Variants in ATP8A2 observed in about 807,000 individuals in gnomAD.
ATP8A2 encodes the protein ATPase phospholipid transporting 8A2.
Under a neutral mutation model 165.6 loss-of-function variants are expected in ATP8A2, and 100 were observed. That is an observed-to-expected ratio of 0.60 (90% CI 0.51 to 0.71). The LOEUF is 0.71. Ranked by LOEUF, ATP8A2 falls within the 30% of genes least tolerant of loss-of-function variation. The pLI is 0.00. For synonymous variants in ATP8A2, 543 were observed against 548.8 expected (o/e 0.99, Z 0.15); for missense variants, 1,227 against 1,479.5 (o/e 0.83, Z 2.80).
chr13:25,558,268 C>A (rs1477240373), intron 13 of ATP8A2, among the ~76,000 whole-genome samples: 1 of 152,074 alleles, frequency 6.6e-6, no homozygotes, highest in Non-Finnish European at 1.5e-5. Context: ...TACTTAAAGG[C>A]AGATTCTACT....
intron 24 of ATP8A2, among the ~76,000 whole-genome samples, chr13:25,603,001 G>A (rs916735732): frequency 6.6e-6 from 1 of 152,100 alleles, no homozygotes; most frequent in Non-Finnish European, 1.5e-5. Context: ...GAACATGGGA[G>A]GTGAAGGTTG....
rs760882012 is a variant in ATP8A2 at position 25,699,253 on chromosome 13, C to T, written c.2292C>T (p.Ile764=). The T allele has an allele frequency of 8.7e-6, 14 of 1,613,162 alleles. No homozygotes were observed. In the African/African-American group the frequency reaches 1.5e-4, roughly 17 times the overall value. ...AGGAAAATGACGTGGCCCTGATCATCGATGGCCACACCCTGAAGTACGCGC... is the reference window on the plus strand; with the variant it reads ...AGGAAAATGACGTGGCCCTGATCATTGATGGCCACACCCTGAAGTACGCGC... ...LGKENDVALI[I]DGHTLKYALS... is the part of the protein sequence containing the mutation. Residue 764 remains isoleucine, a synonymous_variant, in exon 25 of 37, where the codon ATC becomes ATT. Coordinates refer to ENST00000381655, the MANE Select transcript of ATP8A2 (RefSeq NM_016529.6).
Position 25,657,991 on chromosome 13 carries a change from A to C in ATP8A2, c.2212-41182A>C, listed in dbSNP as rs1032414211. ...TCCATTGTATTTAATTGACAGTATC[A>C]TCTTCTAAAGAATTTCAGTTTTACA... On this transcript the variant is annotated intron_variant, in intron 24 of 36. Coordinates refer to ENST00000381655, the MANE Select transcript of ATP8A2 (RefSeq NM_016529.6). Among the ~76,000 whole-genome samples the C allele has an allele frequency of 9.8e-5, 15 of 152,330 alleles. No individual in the cohort carries two copies. In the East Asian group the frequency reaches 2.7e-3, roughly 27 times the overall value.
intron 27 of ATP8A2, among the ~76,000 whole-genome samples, chr13:25,796,532 T>G (rs1335548431): frequency 6.6e-6 from 1 of 152,186 alleles, no homozygotes; most frequent in Non-Finnish European, 1.5e-5. Context: ...CCCCAGATGC[T>G]GAAATTAGAT....
At chr13:25,525,205 T>C (rs2037804767) in intron 2 of ATP8A2, among the ~76,000 whole-genome samples, 1 of 152,120 alleles carries the variant, frequency 6.6e-6, no homozygotes, top group Admixed American at 6.6e-5. Context: ...CTATCTCCCC[T>C]ACATATTGAT....
At chr13:25,878,471 CCATAGGCA>C (rs745888216) in intron 33 of ATP8A2, among the ~76,000 whole-genome samples, 11,017 of 109,790 alleles carry the variant, frequency 0.1, 125 homozygotes, top group African/African-American at 0.17. Flanking sequence ...AATGACTATT[CCATAGGCA>C]GAGCTGGTGG....
chr13:25,998,880 C>T (rs993761851), intron 35 of ATP8A2, among the ~76,000 whole-genome samples: 1 of 152,178 alleles, frequency 6.6e-6, no homozygotes, highest in Non-Finnish European at 1.5e-5. Context: ...AAACACTGCT[C>T]ACAATATCTT....
At chr13:25,508,377 AT>A (rs1196502557) in intron 2 of ATP8A2, among the ~76,000 whole-genome samples, 4 of 152,242 alleles carry the variant, frequency 2.6e-5, no homozygotes, top group African/African-American at 9.6e-5. Context: ...ACATATGAAC[AT>A]GGGTCTTTAT....
At chr13:25,474,913 C>T (rs2035950933) in intron 2 of ATP8A2, among the ~76,000 whole-genome samples, 1 of 151,986 alleles carries the variant, frequency 6.6e-6, no homozygotes, top group Admixed American at 6.6e-5. Flanking sequence ...TCACTGCAAC[C>T]TCTTCCTCCT....
chr13:25,991,382 A>G (rs1458633961), intron 35 of ATP8A2, among the ~76,000 whole-genome samples: 1 of 152,222 alleles, frequency 6.6e-6, no homozygotes, highest in African/African-American at 2.4e-5. Context: ...ACTGTAGTAC[A>G]GTATCACAAC....
intron 1 of ATP8A2, among the ~76,000 whole-genome samples, chr13:25,464,615 C>T (rs774078330): frequency 1.6e-4 from 24 of 151,908 alleles, no homozygotes; most frequent in Admixed American, 4.6e-4. Context: ...CCTTGGTGGC[C>T]CAATTTGGAC....
chr13:26,015,049 A>T (rs904207225), intron 36 of ATP8A2, among the ~76,000 whole-genome samples: 5 of 152,158 alleles, frequency 3.3e-5, no homozygotes, highest in African/African-American at 1.2e-4. Context: ...GTGATCAAAG[A>T]CCGAATGAGA....
intron 25 of ATP8A2, among the ~76,000 whole-genome samples, chr13:25,768,076 T>TGGG (rs397942177): frequency 5.1e-4 from 25 of 49,324 alleles, no homozygotes; most frequent in East Asian, 1.2e-3. Flanking sequence ...TGTGGTGGCG[T>TGGG]GGGGGGGGGG....
rs1214033953 is a variant in ATP8A2, at chr13:25,693,663, A to ATC, written c.2212-5504_2212-5503dup. Among the ~76,000 whole-genome samples the ATC allele has an allele frequency of 3.2e-3, 241 of 75,994 alleles. 1 individual carries two copies. The highest frequency in any genetic ancestry group is 9.2e-3 in the African/African-American group (229 of 24,998). The allele number at this position is 75,994 out of a possible 152,430, so 49.9% of individuals were successfully genotyped here. ...GAGGTCAGAGAGAGACATCCCTCAG[A>ATC]TCTCTCTGTCTCTCTCTCTCTCTCT... is the stretch of plus-strand genomic sequence containing the variant. On this transcript the variant is annotated intron_variant, in intron 24 of 36. Coordinates refer to ENST00000381655, the MANE Select transcript of ATP8A2 (RefSeq NM_016529.6).
At chr13:25,760,723 A>G (rs2138244806) in intron 25 of ATP8A2, among the ~76,000 whole-genome samples, 1 of 152,314 alleles carries the variant, frequency 6.6e-6, no homozygotes, top group South Asian at 2.1e-4. Context: ...ATGTTAATGT[A>G]TTTTTGCAGT....
At chr13:25,820,988 A>G (rs184177657) in intron 27 of ATP8A2, among the ~76,000 whole-genome samples, 16 of 152,200 alleles carry the variant, frequency 1.1e-4, no homozygotes, top group Non-Finnish European at 1.8e-4. Context: ...TTTCGATGAA[A>G]TAAACAGGTC....
intron 35 of ATP8A2, among the ~76,000 whole-genome samples, chr13:25,972,464 G>T (rs1208973829): frequency 6.6e-6 from 1 of 152,170 alleles, no homozygotes; most frequent in African/African-American, 2.4e-5. Flanking sequence ...TAAAATGTTT[G>T]TCTTGATTTT....
intron 10 of ATP8A2, among the ~76,000 whole-genome samples, chr13:25,548,026 C>T (rs1318363826): frequency 6.6e-6 from 1 of 152,036 alleles, no homozygotes; most frequent in African/African-American, 2.4e-5. Context: ...GAGTTCAAGA[C>T]CACCCTGGGC....
At chr13:25,832,558 A>G (rs1298980916) in intron 28 of ATP8A2, among the ~76,000 whole-genome samples, 1 of 152,232 alleles carries the variant, frequency 6.6e-6, no homozygotes, top group African/African-American at 2.4e-5. Context: ...GAAATTAAAT[A>G]TCTTTCTAAA....
Sources: gnomAD v4.1 joint callset for allele counts (sites outside exome capture counted in the v4.1 genomes callset) on GRCh38, gnomAD v4.1.1 for gene constraint, MANE v1.5 for transcripts, NCBI Gene and HGNC (gene_info 2026-07-23, HGNC 2026-07-21) for gene names.